Variants in EVI5 observed in about 807,000 individuals in gnomAD.
The protein encoded by EVI5 is ecotropic viral integration site 5 protein homolog.
In EVI5, 73 loss-of-function variants were observed where a neutral mutation model predicts 112.0. That is an observed-to-expected ratio of 0.65 (90% CI 0.54 to 0.79). The LOEUF (loss-of-function observed/expected upper bound fraction) is 0.79, where lower values mean the gene tolerates loss of function less well. EVI5 is among the 30% of genes least tolerant of loss of function. The probability of loss-of-function intolerance (pLI) is 0.00; values close to 1 mark genes in which losing one functional copy is unlikely to be tolerated. For missense variants in EVI5, 900 were observed against 968.8 expected, an observed-to-expected ratio of 0.93 and a Z score of 0.94; for synonymous variants, 305 against 319.9, an observed-to-expected ratio of 0.95 and a Z score of 0.50.
At chr1:92,641,974 C>T (rs969978549) in intron 13 of EVI5, among the ~76,000 whole-genome samples, 1 of 152,026 alleles carries the variant, frequency 6.6e-6, no homozygotes, top group African/African-American at 2.4e-5. Context: ...CCCGTCTCTA[C>T]TAAAAATACA....
intron 19 of EVI5, among the ~76,000 whole-genome samples, chr1:92,541,743 C>G (rs1040467199): frequency 1.1e-4 from 17 of 152,248 alleles, no homozygotes; most frequent in Non-Finnish European, 1.0e-4. Flanking sequence ...TGGATAAATA[C>G]AAATATCAGA....
At chr1:92,550,781 A>AAAATATATATATATATAT (rs1557766166) in intron 19 of EVI5, among the ~76,000 whole-genome samples, 1 of 20,332 alleles carries the variant, frequency 4.9e-5, no homozygotes, top group Non-Finnish European at 7.7e-5. Context: ...AAAAAAAAAA[A>AAAATATATATATATATAT]ATATATATAT....
chr1:92,539,776 G>C (rs1320620820), intron 19 of EVI5, among the ~76,000 whole-genome samples: 1 of 151,984 alleles, frequency 6.6e-6, no homozygotes, highest in African/African-American at 2.4e-5. Flanking sequence ...TATATGCATA[G>C]AGTTGTGCAA....
Position 92,661,216 on chromosome 1 carries a change from C to T in EVI5, c.1392+1503G>A, listed in dbSNP as rs753983905. ...CTCCTGCTGGAATACAAATTTAAAACCCTTATTCTGAAACTTTGAAGAATT... is the reference window on the plus strand; with the variant it reads ...CTCCTGCTGGAATACAAATTTAAAATCCTTATTCTGAAACTTTGAAGAATT... On this transcript the variant is annotated intron_variant, in intron 13 of 19. Coordinates refer to ENST00000684568, the MANE Select transcript of EVI5 (RefSeq NM_001350197.2). Among the ~76,000 whole-genome samples, 2 of 151,964 alleles carry T rather than the reference C, an allele frequency of 1.3e-5. 1 individual carries two copies. The highest frequency in any genetic ancestry group is 4.1e-4 in the South Asian group (2 of 4,826).
intron 19 of EVI5, among the ~76,000 whole-genome samples, chr1:92,549,751 C>T (rs1483390350): frequency 6.6e-6 from 1 of 152,170 alleles, no homozygotes; most frequent in African/African-American, 2.4e-5. Context: ...TGAAAAAATG[C>T]TCATCATCAC....
chr1:92,534,270 G>A (rs1244560202), intron 19 of EVI5, among the ~76,000 whole-genome samples: 1 of 152,122 alleles, frequency 6.6e-6, no homozygotes, highest in African/African-American at 2.4e-5. Context: ...ACTGCTCAAG[G>A]AAATAAGAGA....
intron 18 of EVI5, among the ~76,000 whole-genome samples, chr1:92,591,700 C>G (rs757806830): frequency 6.6e-6 from 1 of 151,680 alleles, no homozygotes; most frequent in Non-Finnish European, 1.5e-5. Context: ...TTAGACAGAT[C>G]GAGACAGAAA....
At chr1:92,760,680 C>T (rs536502842) in intron 1 of EVI5, among the ~76,000 whole-genome samples, 11 of 146,682 alleles carry the variant, frequency 7.5e-5, no homozygotes, top group East Asian at 6.1e-4. Flanking sequence ...GTTGCAGTGA[C>T]GCAAGATCGC....
At chr1:92,561,600 T>C (rs1485894898) in intron 19 of EVI5, among the ~76,000 whole-genome samples, 7 of 141,724 alleles carry the variant, frequency 4.9e-5, no homozygotes, top group African/African-American at 1.0e-4. Flanking sequence ...TCTATCTATC[T>C]AATCTATCCT....
intron 13 of EVI5, 116 bp downstream of exon 13, chr1:92,662,603 C>T (rs991360335): frequency 1.5e-6 from 1 of 667,806 alleles, no homozygotes; most frequent in Non-Finnish European, 2.0e-6. Context: ...TTTAAAAGTT[C>T]AAAGTCTAAA....
At chr1:92,575,215 T>A (rs1670873229) in intron 18 of EVI5, among the ~76,000 whole-genome samples, 1 of 152,232 alleles carries the variant, frequency 6.6e-6, no homozygotes, top group Non-Finnish European at 1.5e-5. Flanking sequence ...ACCATTTTGC[T>A]ACGTGGGCTT....
At chr1:92,619,980 C>T (rs1654158377) in intron 16 of EVI5, among the ~76,000 whole-genome samples, 1 of 151,954 alleles carries the variant, frequency 6.6e-6, no homozygotes, top group African/African-American at 2.4e-5. Context: ...TGTTAGACAA[C>T]CTTGAACAAT....
chr1:92,546,604 G>C (rs192296464), intron 19 of EVI5, among the ~76,000 whole-genome samples: 2 of 152,138 alleles, frequency 1.3e-5, no homozygotes, highest in Admixed American at 6.5e-5. Flanking sequence ...GCTGAGGCAG[G>C]AGAATTGCTT....
intron 18 of EVI5, 39 bp from the exon 19 acceptor site, chr1:92,563,776 A>C (rs1668991296): frequency 8.1e-7 from 1 of 1,239,262 alleles, no homozygotes; most frequent in East Asian, 2.3e-5. Context: ...AACAAGAGGC[A>C]ATTTTTCACA....
chr1:92,773,408 G>T (rs1425842680), intron 1 of EVI5, among the ~76,000 whole-genome samples: 1 of 152,152 alleles, frequency 6.6e-6, no homozygotes, highest in Non-Finnish European at 1.5e-5. Context: ...TTCTACTTAT[G>T]TGAAGTTCAA....
intron 1 of EVI5, among the ~76,000 whole-genome samples, chr1:92,764,159 C>A (rs1054810832): frequency 6.6e-6 from 1 of 152,134 alleles, no homozygotes; most frequent in African/African-American, 2.4e-5. Context: ...CTAAATAGTA[C>A]CACATGCACT....
intron 16 of EVI5, among the ~76,000 whole-genome samples, chr1:92,619,457 T>C (rs1654014706): frequency 6.6e-6 from 1 of 151,510 alleles, no homozygotes; most frequent in Non-Finnish European, 1.5e-5. Flanking sequence ...TATATATATA[T>C]ATATATATCC....
intron 2 of EVI5, among the ~76,000 whole-genome samples, chr1:92,715,750 C>T (rs898633612): frequency 1.2e-4 from 19 of 152,268 alleles, no homozygotes; most frequent in Admixed American, 1.2e-3. Context: ...ACGGGACACT[C>T]CTGCTCAAAT....
Position 92,624,329 on chromosome 1 carries a change from G to A in EVI5, c.1674C>T (p.His558=). ...VKDLEEHWQR[H]LARTTGRWKD... ...TCCATCTCCCAGTAGTACGAGCTAA[G>A]TGGCGCTAAAGCATAAAAAATTATA... The change falls in exon 16 of 20, where the codon CAC becomes CAT. Residue 558 remains histidine, a synonymous_variant. Transcript: ENST00000684568. 6.2e-7 allele frequency: 1 copy of A among 1,613,264 alleles called. No homozygotes were observed. Among genetic ancestry groups the A allele is most frequent in the Non-Finnish European group, 8.5e-7 (1 of 1,179,494 alleles).
Sources: gnomAD v4.1 joint callset for allele counts (sites outside exome capture counted in the v4.1 genomes callset) on GRCh38, gnomAD v4.1.1 for gene constraint, MANE v1.5 for transcripts, NCBI Gene and HGNC (gene_info 2026-07-23, HGNC 2026-07-21) for gene names.